Variants in RUSC2 observed in about 807,000 individuals in gnomAD.
RUSC2 encodes RUN and SH3 domain containing 2.
Under a neutral mutation model 122.2 loss-of-function variants are expected in RUSC2, and 34 were observed. The observed-to-expected ratio is 0.28, with a 90% CI of 0.21 to 0.37. The LOEUF (loss-of-function observed/expected upper bound fraction) is 0.37. Ranked by LOEUF, RUSC2 falls within the 10% of genes least tolerant of loss-of-function variation. The probability of loss-of-function intolerance (pLI) is 1.00; values close to 1 mark genes in which losing one functional copy is unlikely to be tolerated. For missense variants in RUSC2, 1,747 were observed against 1,952.4 expected, an observed-to-expected ratio of 0.89 and a Z score of 1.98; for synonymous variants, 784 against 790.0, an observed-to-expected ratio of 0.99 and a Z score of 0.13.
At chr9:35,535,123 C>T (rs891164013) in intron 1 of RUSC2, among the ~76,000 whole-genome samples, 2 of 151,616 alleles carry the variant, frequency 1.3e-5, no homozygotes, top group African/African-American at 4.8e-5. Flanking sequence ...GCCTAAGCTT[C>T]TTTTTTTTAG....
chr9:35,521,673 A>G (rs1369931417), intron 1 of RUSC2, among the ~76,000 whole-genome samples: 6 of 152,214 alleles, frequency 3.9e-5, no homozygotes, highest in Non-Finnish European at 8.8e-5. Context: ...GAGAAGCCAA[A>G]AGCAAACCAA....
rs1228929788 is a variant in RUSC2 at position 35,560,845 on chromosome 9, C to CAAAT, written c.4207_4210dup (p.Arg1404LysfsTer2). On this transcript the variant is annotated frameshift_variant, in exon 10 of 12. Coordinates refer to ENST00000361226, the MANE Select transcript of RUSC2 (RefSeq NM_014806.5). LOFTEE classifies it high-confidence loss of function. ...AAAGCCCAGCGGGAGGCCCGGCCCACAAATAGGTGAGAGCCTGCCCATGGT... is the reference window on the plus strand; with the variant it reads ...AAAGCCCAGCGGGAGGCCCGGCCCACAAATAAATAGGTGAGAGCCTGCCCATGGT... 4 of 1,536,018 alleles carry CAAAT rather than the reference C, an allele frequency of 2.6e-6. No individual in the cohort carries two copies. In the African/African-American group the frequency reaches 5.5e-5, roughly 21 times the overall value.
At chr9:35,522,210 T>C (rs1821229602) in intron 1 of RUSC2, among the ~76,000 whole-genome samples, 1 of 152,224 alleles carries the variant, frequency 6.6e-6, no homozygotes, top group South Asian at 2.1e-4. Context: ...TTGCTATTGG[T>C]GAAGTTAATC....
In RUSC2 at chr9:35,560,078, T is replaced by C. The variant is rs143042061; in HGVS notation, c.3438T>C (p.His1146=). Residue 1146 remains histidine (H), a synonymous_variant, in exon 10 of 12, where the codon CAT becomes CAC. Coordinates refer to ENST00000361226, the MANE Select transcript of RUSC2 (RefSeq NM_014806.5). ...YQPWGFLSAA[H]TVCPGLFEEL... ...CCTGGGGCTTCCTGAGTGCAGCTCA[T>C]ACCGTGTGTCCCGGCCTCTTTGAAG... 1.5e-4 allele frequency: 246 copies of C among 1,613,774 alleles called. 1 individual carries two copies. In the African/African-American group the frequency reaches 3.0e-3, roughly 19 times the overall value.
intron 2 of RUSC2, 121 bp from the exon 3 acceptor site, chr9:35,554,939 C>T: frequency 2.7e-6 from 3 of 1,117,160 alleles, no homozygotes; most frequent in Non-Finnish European, 4.0e-6. Context: ...ACTTCTACCC[C>T]ATTCAATTCC....
Position 35,558,266 on chromosome 9 carries a change from G to A in RUSC2, c.3130G>A (p.Val1044Ile), listed in dbSNP as rs147279845. ...HLVLKYLCPAVRAVLEDGLKA... is the reference protein window; with the variant it reads ...HLVLKYLCPAIRAVLEDGLKA... ...GGTTCTGAAGTACTTGTGCCCTGCC[G>A]TCCGCGCCGTGCTGGAGGATGGGCT... is the stretch of plus-strand genomic sequence containing the variant. Residue 1044 changes from valine to isoleucine, a missense_variant, in exon 7 of 12, where the codon GTC becomes ATC. Transcript: ENST00000361226. The surrounding 1 kb of genome is among the most constrained non-coding windows in gnomAD (Gnocchi z 4.3). 1.9e-5 allele frequency: 30 copies of A among 1,614,124 alleles called. No homozygotes were observed. Among genetic ancestry groups the A allele is most frequent in the East Asian group, 1.3e-4 (6 of 44,876 alleles).
rs1302644470 is a variant in RUSC2 at position 35,513,354 on chromosome 9, T to C, written c.-93+23182T>C. On this transcript the variant is annotated intron_variant, in intron 1 of 11. Transcript: ENST00000361226. ...GCCTCCTGGGTTCAAGTGATTCTCA[T>C]GCCTCAGCCTCCCGAGCAGCTGGGA... is the stretch of plus-strand genomic sequence containing the variant. 3.9e-5 allele frequency among the ~76,000 whole-genome samples: 6 copies of C among 152,110 alleles called. No individual in the cohort carries two copies. In the East Asian group the frequency reaches 1.2e-3, roughly 29 times the overall value.
At position 35,560,427 on chromosome 9, in the gene RUSC2, G is replaced by A; in HGVS notation, c.3787G>A (p.Ala1263Thr). ...AAGGSGRARW[A>T]RGGQAGWWYQ... ...CGGGGGCTCAGGGCGTGCCAGGTGG[G>A]CCCGAGGTGGGCAGGCCGGCTGGTG... Residue 1263 changes from alanine to threonine, a missense_variant, in exon 10 of 12, where the codon GCC becomes ACC. Coordinates refer to ENST00000361226, the MANE Select transcript of RUSC2 (RefSeq NM_014806.5). 1 of 1,614,196 alleles carries A rather than the reference G, an allele frequency of 6.2e-7. No individual in the cohort carries two copies.
rs1821822002 is a variant in RUSC2 at position 35,548,543 on chromosome 9, G to A, written c.2014+8G>A. Reference sequence around the variant, plus strand: ...CAAGAGCTAGAGCTGACGGTAAGGAGCCTAAGGGTTAGCAAATATGTGGCT... The same window carrying A: ...CAAGAGCTAGAGCTGACGGTAAGGAACCTAAGGGTTAGCAAATATGTGGCT... On this transcript the variant is annotated splice_region_variant and intron_variant, in intron 2 of 11. Coordinates refer to ENST00000361226, the MANE Select transcript of RUSC2 (RefSeq NM_014806.5). The surrounding 1 kb of genome is among the most constrained non-coding windows in gnomAD (Gnocchi z 4.5). 6.3e-7 allele frequency: 1 copy of A among 1,596,966 alleles called. No individual in the cohort carries two copies. The highest frequency in any genetic ancestry group is 8.5e-7 in the Non-Finnish European group (1 of 1,173,164).
intron 1 of RUSC2, among the ~76,000 whole-genome samples, chr9:35,495,889 T>G (rs989450354): frequency 1.3e-5 from 2 of 152,186 alleles, no homozygotes; most frequent in African/African-American, 4.8e-5. Context: ...ACTTCCGTGG[T>G]TAAGTTCATT....
At chr9:35,539,957 C>T (rs927795312) in intron 1 of RUSC2, among the ~76,000 whole-genome samples, 2 of 152,102 alleles carry the variant, frequency 1.3e-5, no homozygotes, top group African/African-American at 2.4e-5. Context: ...CATCTTTATT[C>T]AGAAGGCCAA....
At chr9:35,515,032 T>C (rs1821077154) in intron 1 of RUSC2, among the ~76,000 whole-genome samples, 1 of 152,140 alleles carries the variant, frequency 6.6e-6, no homozygotes, top group South Asian at 2.1e-4. Context: ...AATATCAGGG[T>C]TCTGTTAATT....
chr9:35,510,245 C>T (rs1820988648), intron 1 of RUSC2, among the ~76,000 whole-genome samples: 2 of 152,166 alleles, frequency 1.3e-5, no homozygotes, highest in Admixed American at 6.5e-5. Flanking sequence ...CATATGGTGG[C>T]TCACACCTGT....
chr9:35,547,702 A>C lies in RUSC2; in HGVS notation c.1181A>C (p.Gln394Pro). The change falls in exon 2 of 12, where the codon CAA becomes CCA. Residue 394 changes from glutamine (Q) to proline (P), a missense_variant. Gln to Pro is a moderately conservative substitution (Grantham distance 76). Transcript: ENST00000361226. This position sits in a 1 kb window ranked among gnomAD's most constrained non-coding sequence, Gnocchi z 4.6. ...QSQARLVVAT[Q>P]NYYKLVTCDL... is the part of the protein sequence containing the mutation. ...CAGGCCCGTCTTGTTGTGGCCACAC[A>C]AAATTACTATAAACTTGTCACCTGT... 1 of 1,614,148 alleles carries C rather than the reference A, an allele frequency of 6.2e-7. No individual in the cohort carries two copies. The highest frequency in any genetic ancestry group is 8.5e-7 in the Non-Finnish European group (1 of 1,180,034).
In RUSC2 at chr9:35,561,028, G is replaced by A. The variant is rs756951835; in HGVS notation, c.4280G>A (p.Arg1427His). The A allele has an allele frequency of 6.2e-6, 10 of 1,614,166 alleles. No individual in the cohort carries two copies. The highest frequency in any genetic ancestry group is 2.2e-5 in the East Asian group (1 of 44,876). Residue 1427 changes from arginine (R) to histidine (H), a missense_variant, in exon 11 of 12, where the codon CGC (arginine) becomes CAC (histidine). By Grantham distance (29) the Arg-to-His change is conservative. Coordinates refer to ENST00000361226, the MANE Select transcript of RUSC2 (RefSeq NM_014806.5). ...FQLVAQTVGS[R>H]REPEPKESLQ... ...CTAGTGGCGCAGACAGTGGGTTCCC[G>A]CCGGGAGCCAGAGCCCAAGGAGAGC... is the stretch of plus-strand genomic sequence containing the variant.
At chr9:35,523,941 C>T (rs986099188) in intron 1 of RUSC2, among the ~76,000 whole-genome samples, 2 of 151,994 alleles carry the variant, frequency 1.3e-5, no homozygotes, top group South Asian at 2.1e-4. Flanking sequence ...CATATTTATC[C>T]TAAATCAATA....
intron 1 of RUSC2, among the ~76,000 whole-genome samples, chr9:35,492,899 G>T (rs372898540): frequency 2.6e-5 from 4 of 152,004 alleles, no homozygotes; most frequent in African/African-American, 9.7e-5. Flanking sequence ...ACTACTGGGG[G>T]TACCTCATAT....
intron 1 of RUSC2, among the ~76,000 whole-genome samples, chr9:35,511,901 C>T (rs999179958): frequency 6.6e-6 from 1 of 152,048 alleles, no homozygotes; most frequent in Non-Finnish European, 1.5e-5. Context: ...AAAATCTCGG[C>T]CGGGCGCGGT....
intron 1 of RUSC2, among the ~76,000 whole-genome samples, chr9:35,498,851 A>C (rs567034964): frequency 2.0e-5 from 3 of 151,674 alleles, no homozygotes; most frequent in African/African-American, 7.3e-5. Flanking sequence ...CTCAAAAAAA[A>C]AAAAACAAAA....
Sources: gnomAD v4.1 joint callset for allele counts (sites outside exome capture counted in the v4.1 genomes callset) on GRCh38, gnomAD v4.1.1 for gene constraint, Gnocchi (gnomAD v3.1) non-coding constraint, MANE v1.5 for transcripts, NCBI Gene and HGNC (gene_info 2026-07-23, HGNC 2026-07-21) for gene names.